Variants in DIS3L2 observed in about 807,000 individuals in gnomAD.
DIS3L2 encodes DIS3 like 3'-5' exoribonuclease 2, also known as DIS3-like exonuclease 2.
In DIS3L2, 34 loss-of-function variants were observed where a neutral mutation model predicts 97.5. That is an observed-to-expected ratio of 0.35 (90% CI 0.27 to 0.46). The LOEUF (loss-of-function observed/expected upper bound fraction) is 0.46, where lower values mean the gene tolerates loss of function less well. Among genes scored for constraint, DIS3L2 ranks in the 20% least tolerant of loss-of-function variants. The pLI, the probability that DIS3L2 is intolerant of heterozygous loss-of-function variation, is 1.00. For missense variants in DIS3L2, 1,038 were observed against 1,146.0 expected (o/e 0.91, Z 1.36); for synonymous variants, 435 against 445.2 (o/e 0.98, Z 0.29).
chr2:232,071,206 T>G (rs1266425832), intron 5 of DIS3L2, among the ~76,000 whole-genome samples: 1 of 152,182 alleles, frequency 6.6e-6, no homozygotes, highest in Non-Finnish European at 1.5e-5. Flanking sequence ...GAGAGACAGA[T>G]CCTGCTGTTC....
intron 9 of DIS3L2, among the ~76,000 whole-genome samples, chr2:232,207,026 C>T (rs1353403132): frequency 6.6e-6 from 1 of 152,170 alleles, no homozygotes; most frequent in Non-Finnish European, 1.5e-5. Context: ...CTAGTCAACC[C>T]TCCAAGTAAC....
intron 11 of DIS3L2, among the ~76,000 whole-genome samples, chr2:232,247,903 GA>G (rs1693306590): frequency 3.3e-5 from 5 of 152,260 alleles, no homozygotes; most frequent in African/African-American, 9.6e-5. Context: ...GTAATGGCAA[GA>G]AAAAAATTTC....
At chr2:232,283,800 G>A (rs964059254) in intron 13 of DIS3L2, among the ~76,000 whole-genome samples, 1 of 152,130 alleles carries the variant, frequency 6.6e-6, no homozygotes, top group Non-Finnish European at 1.5e-5. Context: ...GGGAGCAGAG[G>A]GTGGCCCAAG....
intron 14 of DIS3L2, among the ~76,000 whole-genome samples, chr2:232,300,635 CACATCATAGACTGCTCCTTTTT>C (rs1329904968): frequency 4.0e-5 from 6 of 150,636 alleles, no homozygotes; most frequent in Non-Finnish European, 7.4e-5. Context: ...ACCTCCTTTC[CACATCATAGACTGCTCCTTTTT>C]TTTTTTTTTT....
intron 5 of DIS3L2, among the ~76,000 whole-genome samples, chr2:232,046,844 G>T (rs1012841091): frequency 6.6e-6 from 1 of 152,108 alleles, no homozygotes; most frequent in Non-Finnish European, 1.5e-5. Context: ...TTTAAGATGG[G>T]GTCTTGCTGT....
intron 14 of DIS3L2, among the ~76,000 whole-genome samples, chr2:232,320,853 CA>C (rs1371554290): frequency 6.6e-6 from 1 of 152,192 alleles, no homozygotes; most frequent in Admixed American, 6.5e-5. Flanking sequence ...CTTCCCCACC[CA>C]ACAGCCTATG....
chr2:232,263,493 C>T (rs1377636934), intron 13 of DIS3L2, 53 bp downstream of exon 13: 2 of 1,571,384 alleles, frequency 1.3e-6, no homozygotes, highest in African/African-American at 2.7e-5. Context: ...TGCCTGAACC[C>T]AGCGTGGATG....
intron 5 of DIS3L2, among the ~76,000 whole-genome samples, chr2:232,064,958 AC>A (rs1695813160): frequency 2.0e-5 from 3 of 152,178 alleles, no homozygotes; most frequent in Admixed American, 2.0e-4. Context: ...TCTGAAGGGT[AC>A]CTTTTGCAGA....
chr2:232,003,432 C>T (rs990816026), intron 1 of DIS3L2, among the ~76,000 whole-genome samples: 1 of 152,118 alleles, frequency 6.6e-6, no homozygotes, highest in African/African-American at 2.4e-5. Flanking sequence ...TACCCCCATA[C>T]TTGATTGTTA....
chr2:232,256,506 T>A (rs1412686568), intron 12 of DIS3L2, among the ~76,000 whole-genome samples: 1 of 152,258 alleles, frequency 6.6e-6, no homozygotes, highest in African/African-American at 2.4e-5. Flanking sequence ...CAGTTGGGGC[T>A]TTCTCAGCTG....
rs528826359 is a variant in DIS3L2 at position 232,046,600 on chromosome 2, A to G, written c.366+16520A>G. Reference sequence around the variant, plus strand: ...TCAGAGGTTTCAAGTAATTATAACGAATTCTTTGTTTTAGACTCTAGATCC... The same window carrying G: ...TCAGAGGTTTCAAGTAATTATAACGGATTCTTTGTTTTAGACTCTAGATCC... On this transcript the variant is annotated intron_variant, in intron 5 of 20. Coordinates refer to ENST00000325385, the MANE Select transcript of DIS3L2 (RefSeq NM_152383.5). 3.3e-5 allele frequency among the ~76,000 whole-genome samples: 5 copies of G among 152,230 alleles called. No homozygotes were observed. The East Asian group carries it at 9.6e-4, about 29-fold the overall frequency.
At chr2:232,001,537 C>A (rs556856574) in intron 1 of DIS3L2, among the ~76,000 whole-genome samples, 2 of 119,674 alleles carry the variant, frequency 1.7e-5, no homozygotes, top group South Asian at 5.3e-4. Context: ...GTCTTCTTAG[C>A]TTAGTGGAAT....
intron 5 of DIS3L2, among the ~76,000 whole-genome samples, chr2:232,074,383 G>C (rs1696123261): frequency 6.6e-6 from 1 of 152,030 alleles, no homozygotes; most frequent in African/African-American, 2.4e-5. Context: ...TTCTTTTACA[G>C]CTGATTCAAG....
chr2:232,308,942 A>G (rs1695053404), intron 14 of DIS3L2, among the ~76,000 whole-genome samples: 2 of 152,148 alleles, frequency 1.3e-5, no homozygotes, highest in African/African-American at 4.8e-5. Flanking sequence ...GTGCTCTGAC[A>G]AGTGGACCCC....
chr2:232,133,383 AG>A (rs1698271616), intron 7 of DIS3L2, among the ~76,000 whole-genome samples: 1 of 152,220 alleles, frequency 6.6e-6, no homozygotes, highest in Non-Finnish European at 1.5e-5. Flanking sequence ...CCACAAAAGT[AG>A]GTCAGGACCT....
intron 13 of DIS3L2, among the ~76,000 whole-genome samples, chr2:232,272,957 T>C (rs528031260): frequency 9.9e-5 from 15 of 152,284 alleles, no homozygotes; most frequent in African/African-American, 3.6e-4. Context: ...ACTTGCCTTC[T>C]GGTTCTTTCT....
intron 11 of DIS3L2, among the ~76,000 whole-genome samples, chr2:232,246,872 A>G (rs1209098966): frequency 1.1e-3 from 2 of 1,782 alleles, no homozygotes; most frequent in African/African-American, 5.2e-3. Context: ...TAATGAAAAC[A>G]GTGACTTTGT....
intron 14 of DIS3L2, among the ~76,000 whole-genome samples, chr2:232,304,702 G>T (rs1270083897): frequency 1.3e-5 from 2 of 152,202 alleles, no homozygotes; most frequent in Non-Finnish European, 2.9e-5. Context: ...CCTCTCTGCA[G>T]CCTGAGTGAG....
At chr2:232,286,299 C>G (rs1694429565) in intron 13 of DIS3L2, among the ~76,000 whole-genome samples, 1 of 152,134 alleles carries the variant, frequency 6.6e-6, no homozygotes, top group African/African-American at 2.4e-5. Flanking sequence ...GGGCTGACCC[C>G]GTGTCAGCAC....
Sources: allele counts gnomAD v4.1 joint callset (sites outside exome capture counted in the v4.1 genomes callset), GRCh38; gene constraint gnomAD v4.1.1; transcripts MANE v1.5; gene names NCBI Gene and HGNC (gene_info 2026-07-23, HGNC 2026-07-21).